TMC1: variants seen among roughly 807,000 people sequenced by gnomAD.
TMC1 encodes transmembrane channel-like protein 1.
A neutral mutation model predicts 105.8 loss-of-function variants in TMC1; 84 were observed. The observed-to-expected ratio is 0.79, with a 90% CI of 0.67 to 0.95. The LOEUF is 0.95. Ranked by LOEUF, TMC1 falls within the 40% of genes least tolerant of loss-of-function variation. The probability of loss-of-function intolerance (pLI) is 0.00; values close to 1 mark genes in which losing one functional copy is unlikely to be tolerated. For missense variants in TMC1, 817 were observed against 914.1 expected, an observed-to-expected ratio of 0.89 and a Z score of 1.37; for synonymous variants, 315 against 311.5, an observed-to-expected ratio of 1.01 and a Z score of -0.12.
In TMC1 at chr9:72,788,374, A is replaced by G. The variant is rs1019498266; in HGVS notation, c.920A>G (p.Asp307Gly). 6.2e-7 allele frequency: 1 copy of G among 1,613,970 alleles called. No homozygotes were observed. The highest frequency in any genetic ancestry group is 1.1e-5 in the South Asian group (1 of 91,072). ...TKNIGDDGGGDDNTFNFSWKV... is the reference protein window; with the variant it reads ...TKNIGDDGGGGDNTFNFSWKV... ...AACATTGGTGATGATGGAGGTGGAG[A>G]TGACAACACTTTCAATTTCAGCTGG... The change falls in exon 14 of 24, where the codon GAT (aspartate) becomes GGT (glycine). Residue 307 changes from aspartate to glycine, a missense_variant. Transcript: ENST00000297784.
At chr9:72,830,796 G>A in intron 23 of TMC1, 114 bp downstream of exon 23, 1 of 902,052 alleles carries the variant, frequency 1.1e-6, no homozygotes. Context: ...ATTGCTGTGA[G>A]CGAGTCATTC....
intron 20 of TMC1, 100 bp downstream of exon 20, chr9:72,821,181 T>TG: frequency 3.2e-6 from 5 of 1,562,438 alleles, no homozygotes; most frequent in Non-Finnish European, 2.6e-6. Flanking sequence ...CCCCAAACAA[T>TG]GACATTTTTG....
intron 8 of TMC1, among the ~76,000 whole-genome samples, chr9:72,729,557 A>G (rs917346143): frequency 2.0e-5 from 3 of 152,200 alleles, no homozygotes; most frequent in Non-Finnish European, 4.4e-5. Context: ...GGGAGACAAC[A>G]AAACAATTAT....
intron 1 of TMC1, among the ~76,000 whole-genome samples, chr9:72,552,398 G>A (rs4452874): frequency 0.52 from 79,640 of 151,862 alleles, 21,831 homozygotes; most frequent in African/African-American, 0.69. Context: ...AAAGACCTGT[G>A]GAAAACTAAG....
At chr9:72,825,563 G>A (rs935206980) in intron 20 of TMC1, among the ~76,000 whole-genome samples, 1 of 152,132 alleles carries the variant, frequency 6.6e-6, no homozygotes, top group Non-Finnish European at 1.5e-5. Context: ...TTTGTGTGTA[G>A]GGATAATTTC....
At chr9:72,718,153 G>A (rs1387516706) in intron 8 of TMC1, among the ~76,000 whole-genome samples, 1 of 151,234 alleles carries the variant, frequency 6.6e-6, no homozygotes, top group Non-Finnish European at 1.5e-5. Flanking sequence ...CCTTTTTCTG[G>A]TGCCTCCTTG....
At chr9:72,567,304 C>T (rs1335208175) in intron 1 of TMC1, among the ~76,000 whole-genome samples, 1 of 152,146 alleles carries the variant, frequency 6.6e-6, no homozygotes, top group African/African-American at 2.4e-5. Context: ...TCAAATATGT[C>T]TTCTTTGTTC....
At chr9:72,640,431 A>AG (rs1205642402) in intron 4 of TMC1, among the ~76,000 whole-genome samples, 3 of 152,204 alleles carry the variant, frequency 2.0e-5, no homozygotes, top group Non-Finnish European at 4.4e-5. Flanking sequence ...CATGGGGGTG[A>AG]GCAGCCTGAA....
chr9:72,743,611 T>G (rs562075832), intron 10 of TMC1, among the ~76,000 whole-genome samples: 247 of 150,588 alleles, frequency 1.6e-3, no homozygotes, highest in Non-Finnish European at 2.9e-3. Context: ...AACGAAGTCT[T>G]AAAACCTCAT....
At chr9:72,555,708 C>T (rs1027688163) in intron 1 of TMC1, among the ~76,000 whole-genome samples, 2 of 151,572 alleles carry the variant, frequency 1.3e-5, no homozygotes, top group Admixed American at 6.6e-5. Flanking sequence ...GCAACCTCTG[C>T]CTCCCAGATT....
intron 2 of TMC1, among the ~76,000 whole-genome samples, chr9:72,607,349 G>A (rs1177660527): frequency 6.6e-6 from 1 of 152,146 alleles, no homozygotes; most frequent in African/African-American, 2.4e-5. Context: ...GCCAGGCGTG[G>A]TGGCTCACGC....
chr9:72,707,379 G>A (rs898774980), intron 8 of TMC1, among the ~76,000 whole-genome samples: 10 of 152,156 alleles, frequency 6.6e-5, no homozygotes, highest in African/African-American at 1.4e-4. Flanking sequence ...CCCACCAGCA[G>A]TGTAGAAGTG....
intron 8 of TMC1, among the ~76,000 whole-genome samples, chr9:72,718,557 A>G (rs1826961832): frequency 6.6e-6 from 1 of 152,188 alleles, no homozygotes; most frequent in Non-Finnish European, 1.5e-5. Flanking sequence ...GATGTGAACC[A>G]TCTTTAGGTC....
At chr9:72,536,929 A>G (rs1232321290) in intron 1 of TMC1, among the ~76,000 whole-genome samples, 2 of 152,182 alleles carry the variant, frequency 1.3e-5, no homozygotes, top group African/African-American at 4.8e-5. Flanking sequence ...ATCTGACCCT[A>G]TGGCAGACTT....
At chr9:72,753,462 C>T (rs1827618000) in intron 11 of TMC1, among the ~76,000 whole-genome samples, 1 of 152,068 alleles carries the variant, frequency 6.6e-6, no homozygotes, top group South Asian at 2.1e-4. Context: ...AAATGAAAGG[C>T]TGTTGCTGAT....
intron 13 of TMC1, among the ~76,000 whole-genome samples, chr9:72,781,587 AAAG>A (rs925084281): frequency 2.4e-4 from 36 of 152,286 alleles, no homozygotes; most frequent in African/African-American, 7.9e-4. Context: ...AATAAAGAAA[AAAG>A]AAGATTCAAA....
chr9:72,548,994 G>C (rs139882191), intron 1 of TMC1, among the ~76,000 whole-genome samples: 199 of 152,290 alleles, frequency 1.3e-3, no homozygotes, highest in African/African-American at 4.5e-3. Context: ...TTGCACAGTA[G>C]CTGGCACATA....
At chr9:72,582,900 G>A (rs1223118583) in intron 2 of TMC1, among the ~76,000 whole-genome samples, 3 of 152,078 alleles carry the variant, frequency 2.0e-5, no homozygotes, top group Non-Finnish European at 4.4e-5. Context: ...CAAAGCAGAA[G>A]CATAAATGTT....
At position 72,742,407 on chromosome 9, in the gene TMC1, G is replaced by A. The variant is rs751031180; in HGVS notation, c.454-37G>A. 9 of 1,516,210 alleles carry A rather than the reference G, an allele frequency of 5.9e-6. No individual in the cohort carries two copies. The East Asian group carries it at 1.8e-4, about 30-fold the overall frequency. The allele number at this position is 1,516,210 out of a possible 1,614,324, so 93.9% of individuals were successfully genotyped here. On this transcript the variant is annotated intron_variant, in intron 9 of 23. Coordinates refer to ENST00000297784, the MANE Select transcript of TMC1 (RefSeq NM_138691.3). ...GGATAAACATCTTGACAAATCAAGA[G>A]GTTGGACTTTACTTTTGTATTTGAC...
Sources: allele counts gnomAD v4.1 joint callset (sites outside exome capture counted in the v4.1 genomes callset), GRCh38; gene constraint gnomAD v4.1.1; transcripts MANE v1.5; gene names NCBI Gene and HGNC (gene_info 2026-07-23, HGNC 2026-07-21).